The following KIF15 variants were observed in gnomAD, a reference collection of about 807,000 sequenced individuals.
KIF15 encodes kinesin family member 15, also known as kinesin-like protein KIF15.
In KIF15, 140 loss-of-function variants were observed where a neutral mutation model predicts 190.6. That is an observed-to-expected ratio of 0.73 (90% CI 0.64 to 0.84). The LOEUF (loss-of-function observed/expected upper bound fraction) is 0.84, where lower values mean the gene tolerates loss of function less well. Among genes scored for constraint, KIF15 ranks in the 40% least tolerant of loss-of-function variants. The pLI is 0.00. For synonymous variants in KIF15, 528 were observed against 551.3 expected (o/e 0.96, Z 0.59); for missense variants, 1,372 against 1,584.4 (o/e 0.87, Z 2.28).
chr3:44,796,850 T>C (rs1190521366), intron 8 of KIF15, among the ~76,000 whole-genome samples: 1 of 152,206 alleles, frequency 6.6e-6, no homozygotes, highest in African/African-American at 2.4e-5. Context: ...GGGTGAGTTA[T>C]TAGGCATTAT....
intron 32 of KIF15, 82 bp downstream of exon 32, chr3:44,848,640 G>GT: frequency 3.2e-6 from 2 of 617,942 alleles, no homozygotes; most frequent in Non-Finnish European, 5.4e-6. Context: ...CACAAGGTAG[G>GT]TAACTTCTTT....
intron 24 of KIF15, among the ~76,000 whole-genome samples, chr3:44,829,432 A>G (rs977134310): frequency 1.1e-4 from 16 of 139,392 alleles, no homozygotes; most frequent in Non-Finnish European, 2.1e-4. Context: ...TATATAATAT[A>G]TATGTATATA....
chr3:44,860,026 A>G (rs1271703263), intron 6 of KIF15, among the ~76,000 whole-genome samples: 1 of 152,158 alleles, frequency 6.6e-6, no homozygotes, highest in Non-Finnish European at 1.5e-5. Flanking sequence ...CCCTGCCCTC[A>G]AGGAGCTTGC....
In KIF15 at chr3:44,851,920, G is replaced by T. The variant is rs373955634; in HGVS notation, c.3940G>T (p.Glu1314Ter). The T allele has an allele frequency of 1.9e-4, 301 of 1,613,714 alleles. No individual in the cohort carries two copies. Among genetic ancestry groups the T allele is most frequent in the Non-Finnish European group, 2.4e-4 (278 of 1,179,878 alleles). ...AGAACAACTGAGATCAAAGCTGGAAGAAATGTATGAAGAAAGAGAGAGAAC... is the reference window on the plus strand; with the variant it reads ...AGAACAACTGAGATCAAAGCTGGAATAAATGTATGAAGAAAGAGAGAGAAC... ...EKEQLRSKLE[E>*]MYEERERTSQ... The change falls in exon 33 of 35, where the codon GAA becomes TAA. Residue 1314 changes from glutamate (E) to a stop codon, truncating the protein, a stop_gained. Coordinates refer to ENST00000326047, the MANE Select transcript of KIF15 (RefSeq NM_020242.3). LOFTEE classifies it high-confidence loss of function.
At chr3:44,762,543 T>C (rs893713357) in intron 1 of KIF15, among the ~76,000 whole-genome samples, 5 of 152,220 alleles carry the variant, frequency 3.3e-5, no homozygotes, top group East Asian at 3.8e-4. Context: ...ACTTCTCACA[T>C]TGCCACATCT....
chr3:44,852,379 TA>T lies in KIF15; in HGVS notation c.4104+45del, dbSNP rs1382254999. 3.2e-6 allele frequency: 5 copies of T among 1,559,576 alleles called. No individual in the cohort carries two copies. In the African/African-American group the frequency reaches 6.8e-5, roughly 21 times the overall value. Reference sequence around the variant, plus strand: ...TATTCTGAATAAATTCTGTCTGGTTTAAAAATGATTATTTTATTGAAACCAA... The same window carrying T: ...TATTCTGAATAAATTCTGTCTGGTTTAAAATGATTATTTTATTGAAACCAA... On this transcript the variant is annotated intron_variant, in intron 34 of 34. Transcript: ENST00000326047.
At chr3:44,844,640 TACCA>T (rs1419085905) in intron 30 of KIF15, among the ~76,000 whole-genome samples, 1 of 152,212 alleles carries the variant, frequency 6.6e-6, no homozygotes, top group Non-Finnish European at 1.5e-5. Context: ...TTCTTCCCAC[TACCA>T]ACATATCTAA....
chr3:44,797,038 T>C (rs1021985173), intron 8 of KIF15, among the ~76,000 whole-genome samples: 8 of 152,160 alleles, frequency 5.3e-5, no homozygotes, highest in Non-Finnish European at 1.0e-4. Context: ...TTTTTTGTTG[T>C]TGTTTTTGAG....
intron 6 of KIF15, chr3:44,862,207 C>A: frequency 1.0e-5 from 2 of 195,270 alleles, no homozygotes. Flanking sequence ...GCCCGCGGGG[C>A]TCTTGGGGTG....
intron 24 of KIF15, 103 bp downstream of exon 24, chr3:44,828,403 G>T (rs1697795151): frequency 1.4e-6 from 1 of 734,622 alleles, no homozygotes; most frequent in South Asian, 1.7e-5. Context: ...GTGACCAATA[G>T]ATAATATGAA....
chr3:44,773,950 AC>A (rs1164037535), intron 1 of KIF15, among the ~76,000 whole-genome samples: 7 of 152,178 alleles, frequency 4.6e-5, no homozygotes, highest in Non-Finnish European at 8.8e-5. Context: ...CAGATTGAAT[AC>A]CAGGCCACAA....
At chr3:44,829,463 T>C (rs1045754895) in intron 24 of KIF15, among the ~76,000 whole-genome samples, 19 of 136,428 alleles carry the variant, frequency 1.4e-4, no homozygotes, top group Non-Finnish European at 2.4e-4. Context: ...ATATATAATA[T>C]ATATGTATAT....
intron 6 of KIF15, chr3:44,865,390 C>CA: frequency 1.6e-6 from 1 of 628,042 alleles, no homozygotes; most frequent in East Asian, 2.8e-5. Flanking sequence ...ATCATCTGTA[C>CA]AGTGCTTTGG....
chr3:44,797,712 G>C lies in KIF15; in HGVS notation c.975+36G>C, dbSNP rs199726489. On this transcript the variant is annotated intron_variant, in intron 9 of 34. Coordinates refer to ENST00000326047, the MANE Select transcript of KIF15 (RefSeq NM_020242.3). The stretch of plus-strand genomic sequence containing the variant: ...TCCTTGGGTTCCTGGGCTCCTTTTG[G>C]TTATGCTAAAGTTGATAGTGGGACA... The C allele has an allele frequency of 6.2e-6, 10 of 1,610,306 alleles. No homozygotes were observed. In the East Asian group the frequency reaches 2.2e-4, roughly 36 times the overall value.
Position 44,780,933 on chromosome 3 carries a change from A to G in KIF15, c.361+11A>G. On this transcript the variant is annotated intron_variant, in intron 5 of 34. Transcript: ENST00000326047. ...CATTTACTATGATGGGTAAGTAAAG[A>G]TTAACTTTTGTTGGCTTAATCTACT... 3 of 1,591,918 alleles carry G rather than the reference A, an allele frequency of 1.9e-6. No homozygotes were observed. The highest frequency in any genetic ancestry group is 2.6e-6 in the Non-Finnish European group (3 of 1,163,072).
At chr3:44,836,108 A>T (rs1698296670) in intron 26 of KIF15, among the ~76,000 whole-genome samples, 1 of 152,168 alleles carries the variant, frequency 6.6e-6, no homozygotes, top group South Asian at 2.1e-4. Flanking sequence ...GCACTTTGGG[A>T]GGCCAAGGCA....
At chr3:44,826,293 CTGCCACATAGA>C in intron 21 of KIF15, 71 bp from the exon 22 acceptor site, 1 of 1,552,344 alleles carries the variant, frequency 6.4e-7, no homozygotes. Flanking sequence ...CCCACAGTGC[CTGCCACATAGA>C]AGGTACTTGA....
At chr3:44,847,868 C>A (rs974386163) in intron 30 of KIF15, 117 bp from the exon 31 acceptor site, 4 of 700,304 alleles carry the variant, frequency 5.7e-6, no homozygotes, top group Non-Finnish European at 9.9e-6. Context: ...ATAGAGTTAG[C>A]CTTTCTTTGT....
chr3:44,834,890 G>A (rs925141958), intron 26 of KIF15, among the ~76,000 whole-genome samples: 1 of 151,546 alleles, frequency 6.6e-6, no homozygotes, highest in Non-Finnish European at 1.5e-5. Flanking sequence ...CCAAGATCGC[G>A]CCACTGCACT....
Sources: allele counts gnomAD v4.1 joint callset (sites outside exome capture counted in the v4.1 genomes callset), GRCh38; gene constraint gnomAD v4.1.1; transcripts MANE v1.5; gene names NCBI Gene and HGNC (gene_info 2026-07-23, HGNC 2026-07-21).